Variants in AGBL1 observed in about 807,000 individuals in gnomAD.
The protein encoded by AGBL1 is cytosolic carboxypeptidase 4.
In AGBL1, 130 loss-of-function variants were observed where a neutral mutation model predicts 118.9. The ratio of observed to expected loss-of-function variants is 1.09; its 90% CI spans 0.95 to 1.26. The LOEUF is 1.26. Among genes scored for constraint, AGBL1 ranks in the 50% most tolerant of loss-of-function variants. The pLI, the probability that AGBL1 is intolerant of heterozygous loss-of-function variation, is 0.00. For missense variants in AGBL1, 1,584 were observed against 1,298.1 expected, an observed-to-expected ratio of 1.22 and a Z score of -3.38; for synonymous variants, 555 against 478.9, an observed-to-expected ratio of 1.16 and a Z score of -2.08.
intron 21 of AGBL1, among the ~76,000 whole-genome samples, chr15:86,560,153 T>A (rs961870540): frequency 6.6e-5 from 10 of 152,068 alleles, no homozygotes; most frequent in Admixed American, 4.6e-4. Context: ...ACTTTTTTTT[T>A]TATATACTTT....
intron 22 of AGBL1, among the ~76,000 whole-genome samples, chr15:86,825,493 A>G (rs1261279042): frequency 5.3e-5 from 8 of 151,260 alleles, no homozygotes; most frequent in Non-Finnish European, 1.2e-4. Context: ...TTACAACTCA[A>G]CAGTAAAAGT....
chr15:86,843,106 G>A (rs1016900501), intron 22 of AGBL1, among the ~76,000 whole-genome samples: 2 of 152,026 alleles, frequency 1.3e-5, no homozygotes, highest in South Asian at 2.1e-4. Flanking sequence ...ACTACAGATG[G>A]GTAAATAATG....
chr15:86,616,879 C>A (rs954695252), intron 21 of AGBL1, among the ~76,000 whole-genome samples: 3 of 152,168 alleles, frequency 2.0e-5, no homozygotes, highest in African/African-American at 7.2e-5. Context: ...ATGTCTTTAG[C>A]TCACAGTAAG....
At chr15:86,843,105 G>A (rs780457951) in intron 22 of AGBL1, among the ~76,000 whole-genome samples, 3 of 152,026 alleles carry the variant, frequency 2.0e-5, no homozygotes, top group Non-Finnish European at 4.4e-5. Flanking sequence ...AACTACAGAT[G>A]GGTAAATAAT....
At chr15:86,619,661 AT>A (rs1366112010) in intron 21 of AGBL1, among the ~76,000 whole-genome samples, 1 of 152,102 alleles carries the variant, frequency 6.6e-6, no homozygotes, top group East Asian at 1.9e-4. Flanking sequence ...TTGGCCTCTG[AT>A]TCCCAGCGCC....
intron 21 of AGBL1, among the ~76,000 whole-genome samples, chr15:86,603,784 G>C (rs2142375498): frequency 6.6e-6 from 1 of 152,268 alleles, no homozygotes. Flanking sequence ...TTAGTGGAAG[G>C]AACCCAGAGG....
At chr15:86,545,901 C>G in intron 19 of AGBL1, 101 bp from the exon 20 acceptor site, 1 of 1,405,670 alleles carries the variant, frequency 7.1e-7, no homozygotes, top group Non-Finnish European at 9.6e-7. Context: ...ACATTGTAAA[C>G]TTTCTTTGAG....
At chr15:86,471,045 G>C (rs1394554854) in intron 18 of AGBL1, among the ~76,000 whole-genome samples, 2 of 151,924 alleles carry the variant, frequency 1.3e-5, no homozygotes, top group African/African-American at 4.8e-5. Flanking sequence ...CCCTTGTTAG[G>C]ACTTCCAGTA....
intron 18 of AGBL1, among the ~76,000 whole-genome samples, chr15:86,455,491 G>A (rs1443567025): frequency 6.6e-6 from 1 of 151,996 alleles, no homozygotes; most frequent in Non-Finnish European, 1.5e-5. Context: ...ATGTAAAATT[G>A]TTATGATTAT....
At chr15:86,144,890 G>C (rs983849305) in intron 3 of AGBL1, among the ~76,000 whole-genome samples, 10 of 152,190 alleles carry the variant, frequency 6.6e-5, no homozygotes. Flanking sequence ...GCCACAAACT[G>C]TTTAGCTTAA....
chr15:86,979,183 G>A (rs910551308), intron 23 of AGBL1, among the ~76,000 whole-genome samples: 3 of 152,122 alleles, frequency 2.0e-5, no homozygotes, highest in African/African-American at 7.2e-5. Flanking sequence ...TGCTAAAAAT[G>A]TGTCTATCTG....
intron 22 of AGBL1, among the ~76,000 whole-genome samples, chr15:86,800,083 T>A (rs1467164285): frequency 6.6e-6 from 1 of 152,134 alleles, no homozygotes; most frequent in African/African-American, 2.4e-5. Context: ...ATATCATGCT[T>A]GTTTACTAAT....
intron 22 of AGBL1, among the ~76,000 whole-genome samples, chr15:86,867,883 C>A (rs569468770): frequency 3.3e-5 from 5 of 152,018 alleles, no homozygotes; most frequent in Non-Finnish European, 7.4e-5. Context: ...CATGGCCGTC[C>A]AATATACAGA....
Position 86,205,207 on chromosome 15 carries a change from G to A in AGBL1, c.489-19707G>A, listed in dbSNP as rs539149014. On this transcript the variant is annotated intron_variant, in intron 5 of 22. Coordinates refer to ENST00000614907, the MANE Select transcript of AGBL1 (RefSeq NM_001386094.1). ...GTCATTTAGTTGGAATCACACATAC[G>A]TAGCTTTTTCAGATTGGCTGCATTC... 1.7e-4 allele frequency among the ~76,000 whole-genome samples: 26 copies of A among 152,160 alleles called. No homozygotes were observed. The South Asian group carries it at 4.8e-3, about 28-fold the overall frequency.
At chr15:86,198,933 CAG>C (rs1232550944) in intron 5 of AGBL1, among the ~76,000 whole-genome samples, 2 of 152,048 alleles carry the variant, frequency 1.3e-5, no homozygotes, top group African/African-American at 4.8e-5. Flanking sequence ...TAAAGTAAAA[CAG>C]AAGTTTCTAG....
At chr15:86,481,175 C>T (rs2082647531) in intron 18 of AGBL1, among the ~76,000 whole-genome samples, 1 of 150,248 alleles carries the variant, frequency 6.7e-6, no homozygotes, top group South Asian at 2.1e-4. Flanking sequence ...CATTGGCTTG[C>T]CATGTTTAGA....
At chr15:86,626,619 T>C (rs908674161) in intron 21 of AGBL1, among the ~76,000 whole-genome samples, 8 of 152,178 alleles carry the variant, frequency 5.3e-5, no homozygotes, top group African/African-American at 1.9e-4. Context: ...TTTACCTATG[T>C]AACAAACCTG....
At chr15:86,384,526 C>T (rs556714197) in intron 17 of AGBL1, among the ~76,000 whole-genome samples, 343 of 151,922 alleles carry the variant, frequency 2.3e-3, no homozygotes, top group African/African-American at 8.0e-3. Flanking sequence ...GTATATATTA[C>T]GTATCATTAT....
Position 86,279,651 on chromosome 15 carries a change from C to A in AGBL1, c.2088C>A (p.Arg696=). The A allele has an allele frequency of 6.2e-7, 1 of 1,613,462 alleles. No individual in the cohort carries two copies. The highest frequency in any genetic ancestry group is 8.5e-7 in the Non-Finnish European group (1 of 1,179,530). Residue 696 remains arginine (R), a synonymous_variant, in exon 16 of 23, where the codon CGC becomes CGA. Coordinates refer to ENST00000614907, the MANE Select transcript of AGBL1 (RefSeq NM_001386094.1). Reference sequence around the variant, plus strand: ...CCTCTCTCTTTAGAAATCATTATCGCCAGAGTACAGCTGTTGCAGGCGGAG... The same window carrying A: ...CCTCTCTCTTTAGAAATCATTATCGACAGAGTACAGCTGTTGCAGGCGGAG... The part of the protein sequence containing the change: ...HEICYYKNHY[R]QSTAVAGGAS...
Sources: allele counts gnomAD v4.1 joint callset (sites outside exome capture counted in the v4.1 genomes callset), GRCh38; gene constraint gnomAD v4.1.1; transcripts MANE v1.5; gene names NCBI Gene and HGNC (gene_info 2026-07-23, HGNC 2026-07-21).